CUX1: variants seen among roughly 807,000 people sequenced by gnomAD.
CUX1 encodes cut like homeobox 1.
CUX1 carries 31 observed loss-of-function variants against 158.8 expected under a neutral mutation model. The ratio of observed to expected loss-of-function variants is 0.20; its 90% CI spans 0.15 to 0.26. The LOEUF (loss-of-function observed/expected upper bound fraction) is 0.26, where lower values mean the gene tolerates loss of function less well. CUX1 is among the 10% of genes least tolerant of loss of function. The pLI, the probability that CUX1 is intolerant of heterozygous loss-of-function variation, is 1.00. For synonymous variants in CUX1, 879 were observed against 862.1 expected, an observed-to-expected ratio of 1.02 and a Z score of -0.34; for missense variants, 1,589 against 2,014.6, an observed-to-expected ratio of 0.79 and a Z score of 4.04.
intron 23 of CUX1, among the ~76,000 whole-genome samples, chr7:102,240,779 T>C (rs1586397699): frequency 6.6e-6 from 1 of 152,312 alleles, no homozygotes; most frequent in Non-Finnish European, 1.5e-5. Flanking sequence ...TCCTCACAGC[T>C]CACAAATGTA....
At chr7:101,911,194 G>A (rs1469903176) in intron 1 of CUX1, among the ~76,000 whole-genome samples, 1 of 152,298 alleles carries the variant, frequency 6.6e-6, no homozygotes, top group East Asian at 1.9e-4. Flanking sequence ...CCTTGGCCTT[G>A]GTCTCAGCCC....
intron 4 of CUX1, among the ~76,000 whole-genome samples, chr7:102,071,768 T>C (rs1826162917): frequency 6.6e-6 from 1 of 152,190 alleles, no homozygotes; most frequent in Non-Finnish European, 1.5e-5. Flanking sequence ...AGAAAGCACT[T>C]CGGACAGGGA....
intron 1 of CUX1, among the ~76,000 whole-genome samples, chr7:101,821,957 C>T (rs112133464): frequency 2.0e-5 from 3 of 150,390 alleles, no homozygotes; most frequent in Admixed American, 2.0e-4. Flanking sequence ...CGGGTTCACG[C>T]CATTCTCCTG....
chr7:102,276,295 C>T (rs1176197291), intron 17 of CUX1, among the ~76,000 whole-genome samples: 3 of 151,990 alleles, frequency 2.0e-5, no homozygotes, highest in African/African-American at 7.2e-5. Context: ...TTGTACTGCT[C>T]AAGTTTTGGT....
In CUX1 at chr7:102,255,749, T is replaced by G; in HGVS notation, c.*6707T>G. ...CTTCTGCTGGTGAAACAAGAGACCA[T>G]TCAGCAAGACACATTGAAGTGGCAC... On this transcript the variant is annotated 3_prime_UTR_variant, in exon 24 of 24. Transcript: ENST00000292535. 1 of 985,444 alleles carries G rather than the reference T, an allele frequency of 1.0e-6. No individual in the cohort carries two copies. The highest frequency in any genetic ancestry group is 1.2e-6 in the Non-Finnish European group (1 of 829,936). 61.0% of individuals were successfully genotyped at this position (985,444 alleles called of 1,614,324 possible). A position where few individuals can be genotyped will look rare whatever the true frequency, so the allele number is the denominator to read the frequency against.
intron 1 of CUX1, among the ~76,000 whole-genome samples, chr7:101,825,809 G>T (rs57521301): frequency 1.4e-5 from 2 of 146,270 alleles, no homozygotes; most frequent in Non-Finnish European, 3.0e-5. Flanking sequence ...GCGCGCGCGC[G>T]CGCAGTTAGT....
intron 2 of CUX1, among the ~76,000 whole-genome samples, chr7:101,951,348 C>T (rs959395244): frequency 9.2e-5 from 14 of 151,782 alleles, no homozygotes; most frequent in Admixed American, 9.2e-4. Flanking sequence ...AAAAAAATTC[C>T]TTTAGCAGCA....
intron 8 of CUX1, among the ~76,000 whole-genome samples, chr7:102,143,320 G>A (rs1205806778): frequency 6.6e-6 from 1 of 152,132 alleles, no homozygotes; most frequent in Non-Finnish European, 1.5e-5. Context: ...CCAAGCTGGA[G>A]CACAGAGGCG....
chr7:101,843,146 G>A (rs562645154), intron 1 of CUX1, among the ~76,000 whole-genome samples: 10 of 152,170 alleles, frequency 6.6e-5, no homozygotes, highest in South Asian at 2.1e-4. Flanking sequence ...GATTACAGGC[G>A]TGAGCCACCG....
intron 1 of CUX1, among the ~76,000 whole-genome samples, chr7:101,915,296 G>T (rs1804051696): frequency 6.6e-6 from 1 of 152,130 alleles, no homozygotes; most frequent in African/African-American, 2.4e-5. Flanking sequence ...AATTTCTGAG[G>T]CCAGGGCACA....
chr7:101,916,308 A>G lies in CUX1; in HGVS notation c.141+83A>G. 2 of 892,262 alleles carry G rather than the reference A, an allele frequency of 2.2e-6. No individual in the cohort carries two copies. The highest frequency in any genetic ancestry group is 3.8e-6 in the Non-Finnish European group (2 of 532,218). The allele number at this position is 892,262 out of a possible 1,614,324, so 55.3% of individuals were successfully genotyped here. A position where few individuals can be genotyped will look rare whatever the true frequency, so the allele number is the denominator to read the frequency against. Reference sequence around the variant, plus strand: ...TCAGGCGACGCTCCGTGAGCGTTTCATTTTCATCAGATGAACGCACGGCCG... The same window carrying G: ...TCAGGCGACGCTCCGTGAGCGTTTCGTTTTCATCAGATGAACGCACGGCCG... On this transcript the variant is annotated intron_variant, in intron 2 of 23. Coordinates refer to ENST00000292535, the MANE Select transcript of CUX1 (RefSeq NM_181552.4). The surrounding 1 kb of genome is among the most constrained non-coding windows in gnomAD (Gnocchi z 4.4).
chr7:101,856,130 C>CTATG (rs963935833), intron 1 of CUX1, among the ~76,000 whole-genome samples: 1 of 135,122 alleles, frequency 7.4e-6, no homozygotes, highest in African/African-American at 2.9e-5. Flanking sequence ...CTGCAGTGAG[C>CTATG]TATGATCAAG....
intron 20 of CUX1, among the ~76,000 whole-genome samples, chr7:102,212,436 C>G (rs1409952572): frequency 6.6e-6 from 1 of 152,200 alleles, no homozygotes; most frequent in African/African-American, 2.4e-5. Flanking sequence ...CCCAAAGTCT[C>G]TGTTCCTAGA....
rs11318780 is a variant in CUX1 at position 101,897,501 on chromosome 7, TAA to T, written c.31-18603_31-18602del. ...GAGTGAAGGGCGAGATGTTGTCTCT[TAA>T]AAAAAAAAAATAATAATAATAAAAT... is the stretch of plus-strand genomic sequence containing the variant. On this transcript the variant is annotated intron_variant, in intron 1 of 23. Transcript: ENST00000292535. Among the ~76,000 whole-genome samples the T allele has an allele frequency of 2.5e-3, 368 of 148,354 alleles. 3 individuals carry two copies. The highest frequency in any genetic ancestry group is 7.5e-3 in the African/African-American group (299 of 40,072).
At chr7:102,069,172 A>AG (rs1472677857) in intron 3 of CUX1, among the ~76,000 whole-genome samples, 2 of 152,106 alleles carry the variant, frequency 1.3e-5, no homozygotes, top group East Asian at 3.9e-4. Context: ...GTGACGTCCG[A>AG]GGGTTCTCTT....
intron 2 of CUX1, among the ~76,000 whole-genome samples, chr7:102,025,365 G>A (rs546529719): frequency 2.6e-5 from 4 of 152,132 alleles, no homozygotes; most frequent in Non-Finnish European, 2.9e-5. Context: ...GGTGGCTCAC[G>A]CCTGTAATCC....
chr7:102,250,042 A>AC lies in CUX1; in HGVS notation c.*1001dup, dbSNP rs562568348. 3,507 of 983,220 alleles carry AC rather than the reference A, an allele frequency of 3.6e-3. 5 individuals are homozygous for AC. Among genetic ancestry groups the AC allele is most frequent in the Non-Finnish European group, 4.0e-3 (3,337 of 829,170 alleles). 60.9% of individuals were successfully genotyped at this position (983,220 alleles called of 1,614,324 possible). ...ACACTCCATTCTAGGCCAAATCAGG[A>AC]CAAAAAAAAGAAAAAAAAAGAAAAA... On this transcript the variant is annotated 3_prime_UTR_variant, in exon 24 of 24. Coordinates refer to ENST00000292535, the MANE Select transcript of CUX1 (RefSeq NM_181552.4).
chr7:102,062,682 G>A (rs1031363033), intron 3 of CUX1, among the ~76,000 whole-genome samples: 2 of 152,068 alleles, frequency 1.3e-5, no homozygotes, highest in African/African-American at 4.8e-5. Context: ...TTTATTTTTT[G>A]TAGAGACAGG....
intron 2 of CUX1, among the ~76,000 whole-genome samples, chr7:101,925,753 G>T (rs1805510860): frequency 6.6e-6 from 1 of 152,114 alleles, no homozygotes; most frequent in Non-Finnish European, 1.5e-5. Context: ...GCAATATAGT[G>T]AGACCTCACC....
Sources: allele counts gnomAD v4.1 joint callset (sites outside exome capture counted in the v4.1 genomes callset), GRCh38; gene constraint gnomAD v4.1.1; non-coding constraint Gnocchi (gnomAD v3.1); transcripts MANE v1.5; gene names NCBI Gene and HGNC (gene_info 2026-07-23, HGNC 2026-07-21).